ACSL3: variants seen among roughly 807,000 people sequenced by gnomAD.
The protein encoded by ACSL3 is fatty acid CoA ligase Acsl3.
ACSL3 carries 34 observed loss-of-function variants against 84.7 expected under a neutral mutation model. The observed-to-expected ratio is 0.40, with a 90% CI of 0.31 to 0.53. ACSL3 has a LOEUF of 0.53. Among genes scored for constraint, ACSL3 ranks in the 20% least tolerant of loss-of-function variants. The probability of loss-of-function intolerance (pLI) is 0.48; values close to 1 mark genes in which losing one functional copy is unlikely to be tolerated. For synonymous variants in ACSL3, 315 were observed against 299.4 expected (o/e 1.05, Z -0.54); for missense variants, 680 against 873.1 (o/e 0.78, Z 2.79).
At chr2:222,939,650 C>T (rs764472303) in intron 16 of ACSL3, among the ~76,000 whole-genome samples, 14 of 152,270 alleles carry the variant, frequency 9.2e-5, no homozygotes, top group Admixed American at 2.0e-4. Flanking sequence ...TTGTACTGTG[C>T]TGAGGGGAGG....
In ACSL3 at chr2:222,923,011, C is replaced by G; in HGVS notation, c.1081-67C>G. The G allele has an allele frequency of 5.0e-6, 7 of 1,396,374 alleles. No homozygotes were observed. In the South Asian group the frequency reaches 6.3e-5, roughly 13 times the overall value. 86.5% of individuals were successfully genotyped at this position (1,396,374 alleles called of 1,614,324 possible). ...AATAATTTATAATAGGCTTTTTGATCTAAGAATACCATTGAATTTTAAAAA... is the reference window on the plus strand; with the variant it reads ...AATAATTTATAATAGGCTTTTTGATGTAAGAATACCATTGAATTTTAAAAA... On this transcript the variant is annotated intron_variant, in intron 9 of 16. Transcript: ENST00000357430.
At chr2:222,863,574 T>G (rs13006287) in intron 1 of ACSL3, among the ~76,000 whole-genome samples, 6,478 of 152,304 alleles carry the variant, frequency 0.043, 199 homozygotes, top group Middle Eastern at 0.088. Flanking sequence ...AAGACTCTTT[T>G]ATGTGAGATT....
Position 222,918,051 on chromosome 2 carries a change from A to AT in ACSL3, c.562_563insT (p.Thr188IlefsTer17). 6.2e-7 allele frequency: 1 copy of AT among 1,606,762 alleles called. No individual in the cohort carries two copies. The highest frequency in any genetic ancestry group is 1.1e-5 in the South Asian group (1 of 90,012). Reference sequence around the variant, plus strand: ...GCTGCTGCTTTTCCTTTTAGTTGTTACATTATATGCCACTCTAGGAGGTCC... The same window carrying AT: ...GCTGCTGCTTTTCCTTTTAGTTGTTATCATTATATGCCACTCTAGGAGGTCC... On this transcript the variant is annotated frameshift_variant, in exon 6 of 17. Coordinates refer to ENST00000357430, the MANE Select transcript of ACSL3 (RefSeq NM_004457.5). LOFTEE classifies it high-confidence loss of function.
chr2:222,862,915 A>G (rs1695049619), intron 1 of ACSL3, among the ~76,000 whole-genome samples: 1 of 152,196 alleles, frequency 6.6e-6, no homozygotes, highest in African/African-American at 2.4e-5. Context: ...AGAAATGAAG[A>G]ACGCACAAAT....
intron 1 of ACSL3, among the ~76,000 whole-genome samples, chr2:222,874,918 G>A (rs950843208): frequency 6.6e-6 from 1 of 151,528 alleles, no homozygotes; most frequent in Non-Finnish European, 1.5e-5. Context: ...GACAGCCTGG[G>A]CAACATAGTG....
intron 1 of ACSL3, among the ~76,000 whole-genome samples, chr2:222,869,765 A>G (rs753895691): frequency 5.9e-5 from 9 of 152,142 alleles, no homozygotes; most frequent in East Asian, 1.9e-4. Flanking sequence ...AAGATTGGCA[A>G]ATAAAACTGA....
chr2:222,876,222 T>G (rs1382578757), intron 1 of ACSL3, among the ~76,000 whole-genome samples: 1 of 152,250 alleles, frequency 6.6e-6, no homozygotes, highest in African/African-American at 2.4e-5. Context: ...GCAGCTTTGA[T>G]TCTGGTACCC....
chr2:222,908,708 A>T, intron 3 of ACSL3, 25 bp from the exon 4 acceptor site: 1 of 1,401,548 alleles, frequency 7.1e-7, no homozygotes, highest in Non-Finnish European at 9.7e-7. Flanking sequence ...TTTTGAACTA[A>T]CGCCTTTCTT....
chr2:222,872,326 A>T (rs556101725), intron 1 of ACSL3, among the ~76,000 whole-genome samples: 1 of 152,124 alleles, frequency 6.6e-6, no homozygotes, highest in East Asian at 1.9e-4. Flanking sequence ...GGGTTTTACC[A>T]TGTTGGCCAG....
chr2:222,918,727 T>C (rs1162257197), intron 6 of ACSL3, among the ~76,000 whole-genome samples: 1 of 150,668 alleles, frequency 6.6e-6, no homozygotes, highest in Non-Finnish European at 1.5e-5. Context: ...CATATATTTT[T>C]ATGTAGTCTC....
chr2:222,910,709 G>A (rs980669292), intron 4 of ACSL3, among the ~76,000 whole-genome samples: 2 of 152,202 alleles, frequency 1.3e-5, no homozygotes, highest in African/African-American at 4.8e-5. Context: ...CGTTTAAATA[G>A]AGTAGTTGTG....
In ACSL3 at chr2:222,943,497, A is replaced by G. The variant is rs1297567373; in HGVS notation, c.*1843A>G. 3 of 167,464 alleles carry G rather than the reference A, an allele frequency of 1.8e-5. No homozygotes were observed. Among genetic ancestry groups the G allele is most frequent in the Admixed American group, 6.4e-5 (1 of 15,618 alleles). The allele number at this position is 167,464 out of a possible 1,614,324, so 10.4% of individuals were successfully genotyped here. A position where few individuals can be genotyped will look rare whatever the true frequency, so the allele number is the denominator to read the frequency against. ...TCTAGGAAAAAAGTGTGAATGCTTC[A>G]AAGGAGAGATACTGATAATTGTGAC... On this transcript the variant is annotated 3_prime_UTR_variant, in exon 17 of 17. Coordinates refer to ENST00000357430, the MANE Select transcript of ACSL3 (RefSeq NM_004457.5).
intron 1 of ACSL3, among the ~76,000 whole-genome samples, chr2:222,886,133 G>A (rs999034006): frequency 4.3e-5 from 6 of 138,168 alleles, no homozygotes; most frequent in South Asian, 2.5e-4. Flanking sequence ...AGGTACACAC[G>A]TGGCATGTTG....
At position 222,918,140 on chromosome 2, in the gene ACSL3, A is replaced by G; in HGVS notation, c.651A>G (p.Leu217=). The change falls in exon 6 of 17, where the codon TTA becomes TTG. Residue 217 remains leucine (L), a synonymous_variant. Transcript: ENST00000357430. ...VTNIITSKEL[L]QTKLKDIVSL... is the part of the protein sequence containing the mutation. ...ACATCATTACTAGTAAAGAACTCTT[A>G]CAAACAAAGTTGAAGGTGAGGACTC... 23 of 1,609,666 alleles carry G rather than the reference A, an allele frequency of 1.4e-5. No homozygotes were observed. The highest frequency in any genetic ancestry group is 2.0e-5 in the Non-Finnish European group (23 of 1,176,916).
At chr2:222,917,902 CT>C (rs1294979340) in intron 5 of ACSL3, 143 bp from the exon 6 acceptor site, 20 of 481,984 alleles carry the variant, frequency 4.1e-5, no homozygotes, top group Non-Finnish European at 7.2e-5. Context: ...GATAAGATAA[CT>C]TTAAAAAACA....
At chr2:222,903,167 T>C (rs1388345666) in intron 3 of ACSL3, among the ~76,000 whole-genome samples, 1 of 152,208 alleles carries the variant, frequency 6.6e-6, no homozygotes, top group Non-Finnish European at 1.5e-5. Flanking sequence ...AGATGAGGTC[T>C]GGCTTCGTGG....
intron 1 of ACSL3, among the ~76,000 whole-genome samples, chr2:222,879,659 T>C (rs569444313): frequency 1.3e-5 from 2 of 152,354 alleles, no homozygotes; most frequent in East Asian, 3.9e-4. Flanking sequence ...AAGAGTATGA[T>C]TGGACCAGCA....
At chr2:222,889,620 A>C (rs1008744608) in intron 2 of ACSL3, among the ~76,000 whole-genome samples, 1 of 152,214 alleles carries the variant, frequency 6.6e-6, no homozygotes, top group Non-Finnish European at 1.5e-5. Flanking sequence ...TAGCGAAGCA[A>C]ATTTGGATTT....
chr2:222,941,595 C>T lies in ACSL3; in HGVS notation c.2104C>T (p.Arg702Cys). The T allele has an allele frequency of 1.9e-6, 3 of 1,613,190 alleles. No individual in the cohort carries two copies. Among genetic ancestry groups the T allele is most frequent in the Non-Finnish European group, 1.7e-6 (2 of 1,179,750 alleles). Residue 702 changes from arginine to cysteine, a missense_variant, in exon 17 of 17, where the codon CGC becomes TGC. By Grantham distance (180) the Arg-to-Cys change is radical. Transcript: ENST00000357430. ...GGTGACAGATGCCTTCAAGCTGAAA[C>T]GCAAAGAGCTTAAAACACATTACCA... ...GLVTDAFKLK[R>C]KELKTHYQAD...
Sources: allele counts gnomAD v4.1 joint callset (sites outside exome capture counted in the v4.1 genomes callset), GRCh38; gene constraint gnomAD v4.1.1; transcripts MANE v1.5; gene names NCBI Gene and HGNC (gene_info 2026-07-23, HGNC 2026-07-21).